The following FAT3 variants were observed in gnomAD, a reference collection of about 807,000 sequenced individuals.
FAT3 encodes the protein FAT atypical cadherin 3.
A neutral mutation model predicts 310.2 loss-of-function variants in FAT3; 95 were observed. The observed-to-expected ratio is 0.31, with a 90% CI of 0.26 to 0.36. FAT3 has a LOEUF of 0.36. Ranked by LOEUF, FAT3 falls within the 10% of genes least tolerant of loss-of-function variation. The pLI, the probability that FAT3 is intolerant of heterozygous loss-of-function variation, is 1.00. For missense variants in FAT3, 5,408 were observed against 5,715.6 expected (o/e 0.95, Z 1.74); for synonymous variants, 2,314 against 2,192.9 (o/e 1.06, Z -1.54).
chr11:92,814,262 C>G (rs544902687), intron 13 of FAT3, among the ~76,000 whole-genome samples: 1 of 152,302 alleles, frequency 6.6e-6, no homozygotes, highest in South Asian at 2.1e-4. Flanking sequence ...AGAGAAAAGA[C>G]AAGGATATAA....
intron 2 of FAT3, among the ~76,000 whole-genome samples, chr11:92,364,112 T>C (rs1197826233): frequency 1.3e-5 from 2 of 152,074 alleles, no homozygotes; most frequent in African/African-American, 4.8e-5. Context: ...ATGATAAAAA[T>C]AATGACAGTC....
At position 92,512,860 on chromosome 11, in the gene FAT3, CGCCTG is replaced by C. The variant is rs1169388074; in HGVS notation, c.3293-11773_3293-11769del. 2.9e-3 allele frequency among the ~76,000 whole-genome samples: 239 copies of C among 82,560 alleles called. 4 individuals carry two copies. The highest frequency in any genetic ancestry group is 0.012 in the African/African-American group (221 of 18,012). The allele number at this position is 82,560 out of a possible 152,430, so 54.2% of individuals were successfully genotyped here. Reference sequence around the variant, plus strand: ...ATTATCGGCCGGGCGCGGTGGCTCACGCCTGTAATCCCAGCACTTTGGGAGGCCGA... The same window carrying C: ...ATTATCGGCCGGGCGCGGTGGCTCACTAATCCCAGCACTTTGGGAGGCCGA... On this transcript the variant is annotated intron_variant, in intron 2 of 27. Coordinates refer to ENST00000525166, the MANE Select transcript of FAT3 (RefSeq NM_001367949.2).
rs1052286039 is a variant in FAT3 at position 92,890,951 on chromosome 11, G to C, written c.13608G>C (p.Leu4536=). 2 of 1,613,978 alleles carry C rather than the reference G, an allele frequency of 1.2e-6. No individual in the cohort carries two copies. Among genetic ancestry groups the C allele is most frequent in the Non-Finnish European group, 8.5e-7 (1 of 1,179,882 alleles). Residue 4536 remains leucine, a synonymous_variant, in exon 28 of 28, where the codon CTG becomes CTC. Transcript: ENST00000525166. ...CAGGCCCAGCAGACAGCGTGTCTCTGTCCTTGCACAATTCCAGAGGCACCT... is the reference window on the plus strand; with the variant it reads ...CAGGCCCAGCAGACAGCGTGTCTCTCTCCTTGCACAATTCCAGAGGCACCT... ...EPTGPADSVS[L]SLHNSRGTSS...
At position 92,801,606 on chromosome 11, in the gene FAT3, G is replaced by A; in HGVS notation, c.8593G>A (p.Ala2865Thr). Reference protein sequence around the residue: ...SDSQPEKVMEAFNIDSNTGWI... With the variant: ...SDSQPEKVMETFNIDSNTGWI... ...TTCCCAGCCCGAAAAGGTAATGGAA[G>A]CATTCAATATTGACAGCAACACGGG... is the stretch of plus-strand genomic sequence containing the variant. Residue 2865 changes from alanine to threonine, a missense_variant, in exon 10 of 28, where the codon GCA becomes ACA. Physicochemically the swap from Ala to Thr is moderately conservative, Grantham distance 58 (BLOSUM62 0). This residue lies in a region of FAT3 where 4,588 missense variants were observed against 4,809.8 expected (regional missense o/e 0.95). Transcript: ENST00000525166. 6.2e-7 allele frequency: 1 copy of A among 1,613,118 alleles called. No individual in the cohort carries two copies. The highest frequency in any genetic ancestry group is 8.5e-7 in the Non-Finnish European group (1 of 1,179,534).
At chr11:92,774,220 A>T in intron 7 of FAT3, 40 bp downstream of exon 7, 1 of 1,564,742 alleles carries the variant, frequency 6.4e-7, no homozygotes, top group South Asian at 1.2e-5. Context: ...ATGCTGAAAG[A>T]GCTGCCAAAG....
intron 2 of FAT3, among the ~76,000 whole-genome samples, chr11:92,428,720 T>C (rs1462806061): frequency 6.6e-6 from 1 of 152,248 alleles, no homozygotes; most frequent in Non-Finnish European, 1.5e-5. Context: ...TCCTGAGTTC[T>C]AATTTGATTG....
At position 92,463,408 on chromosome 11, in the gene FAT3, C is replaced by T. The variant is rs183124906; in HGVS notation, c.3293-61226C>T. ...AAATTCCAGGTCTGCCAGCTGACAGCGTCTGTAACCCTGGGAAACATCCTG... is the reference window on the plus strand; with the variant it reads ...AAATTCCAGGTCTGCCAGCTGACAGTGTCTGTAACCCTGGGAAACATCCTG... On this transcript the variant is annotated intron_variant, in intron 2 of 27. Coordinates refer to ENST00000525166, the MANE Select transcript of FAT3 (RefSeq NM_001367949.2). 2.6e-5 allele frequency among the ~76,000 whole-genome samples: 4 copies of T among 152,216 alleles called. No homozygotes were observed. In the South Asian group the frequency reaches 6.2e-4, roughly 24 times the overall value.
chr11:92,576,108 C>T (rs1049078718), intron 3 of FAT3, among the ~76,000 whole-genome samples: 23 of 152,140 alleles, frequency 1.5e-4, no homozygotes, highest in Admixed American at 2.0e-4. Context: ...GATTCTGAAA[C>T]AGATGCACAT....
intron 2 of FAT3, among the ~76,000 whole-genome samples, chr11:92,376,771 G>A (rs1401141595): frequency 6.6e-6 from 1 of 152,098 alleles, no homozygotes; most frequent in East Asian, 1.9e-4. Context: ...TGTCTTCTTA[G>A]TGCTTCTGAG....
At chr11:92,377,843 A>G (rs1949386553) in intron 2 of FAT3, among the ~76,000 whole-genome samples, 1 of 152,212 alleles carries the variant, frequency 6.6e-6, no homozygotes, top group Admixed American at 6.6e-5. Flanking sequence ...TCTATCTCTG[A>G]TTCCTTTCCA....
intron 2 of FAT3, among the ~76,000 whole-genome samples, chr11:92,370,973 ACT>A (rs1414949155): frequency 6.6e-6 from 1 of 152,160 alleles, no homozygotes; most frequent in Non-Finnish European, 1.5e-5. Flanking sequence ...ATATACATTA[ACT>A]CTGTGGTTTT....
At chr11:92,687,589 T>C (rs1943668984) in intron 3 of FAT3, among the ~76,000 whole-genome samples, 1 of 152,230 alleles carries the variant, frequency 6.6e-6, no homozygotes, top group Non-Finnish European at 1.5e-5. Context: ...GATTCTTATA[T>C]GTGTCTACCT....
intron 1 of FAT3, among the ~76,000 whole-genome samples, chr11:92,270,745 A>G (rs1458207): frequency 0.51 from 77,058 of 151,870 alleles, 19,783 homozygotes; most frequent in Non-Finnish European, 0.54. Context: ...TATATATCCA[A>G]TTGGACTCCC....
At chr11:92,550,854 G>A (rs994687274) in intron 3 of FAT3, among the ~76,000 whole-genome samples, 1 of 150,854 alleles carries the variant, frequency 6.6e-6, no homozygotes, top group Non-Finnish European at 1.5e-5. Context: ...CCTGGCATGG[G>A]TATATTTGGG....
intron 4 of FAT3, among the ~76,000 whole-genome samples, chr11:92,754,248 T>C (rs1047251001): frequency 6.6e-6 from 1 of 152,120 alleles, no homozygotes; most frequent in Admixed American, 6.5e-5. Context: ...ACTTGAGATA[T>C]GGAAACAACG....
At chr11:92,476,066 AGT>A (rs537879046) in intron 2 of FAT3, among the ~76,000 whole-genome samples, 3 of 151,492 alleles carry the variant, frequency 2.0e-5, no homozygotes, top group Non-Finnish European at 2.9e-5. Flanking sequence ...TGAGTGTGTG[AGT>A]GTGTGTGTGT....
In FAT3 at chr11:92,353,928, G is replaced by A. The variant is rs759655557; in HGVS notation, c.1816G>A (p.Asp606Asn). 5 of 1,611,690 alleles carry A rather than the reference G, an allele frequency of 3.1e-6. No homozygotes were observed. Among genetic ancestry groups the A allele is most frequent in the African/African-American group, 1.3e-5 (1 of 75,014 alleles). Residue 606 changes from aspartate (D) to asparagine (N), a missense_variant, in exon 2 of 28, where the codon GAT (aspartate) becomes AAT (asparagine). Asp to Asn is a conservative substitution (Grantham distance 23). This residue lies in a region of FAT3 where 4,588 missense variants were observed against 4,809.8 expected (regional missense o/e 0.95). Coordinates refer to ENST00000525166, the MANE Select transcript of FAT3 (RefSeq NM_001367949.2). Reference protein sequence around the residue: ...HITAVSAIDIDELELVKYKII... With the variant: ...HITAVSAIDINELELVKYKII... Reference sequence around the variant, plus strand: ...CACAGCAGTCTCAGCGATCGATATCGATGAACTTGAACTTGTAAAGTACAA... The same window carrying A: ...CACAGCAGTCTCAGCGATCGATATCAATGAACTTGAACTTGTAAAGTACAA...
chr11:92,398,895 T>C (rs1422074427), intron 2 of FAT3, among the ~76,000 whole-genome samples: 1 of 152,186 alleles, frequency 6.6e-6, no homozygotes, highest in Non-Finnish European at 1.5e-5. Context: ...TGATTTTCAG[T>C]TTCTTCACAT....
chr11:92,794,048 G>C (rs1261039457), intron 9 of FAT3, among the ~76,000 whole-genome samples: 1 of 151,970 alleles, frequency 6.6e-6, no homozygotes, highest in African/African-American at 2.4e-5. Context: ...AAAAAGAAAA[G>C]ACATGAGTTC....
Sources: gnomAD v4.1 joint callset for allele counts (sites outside exome capture counted in the v4.1 genomes callset) on GRCh38, gnomAD v4.1.1 for gene constraint, gnomAD v4.1.1 regional missense constraint, MANE v1.5 for transcripts, NCBI Gene and HGNC (gene_info 2026-07-23, HGNC 2026-07-21) for gene names.